MAD2L2: variants seen among roughly 807,000 people sequenced by gnomAD.
The protein encoded by MAD2L2 is mitotic arrest deficient 2 like 2.
In MAD2L2, 17 loss-of-function variants were observed where a neutral mutation model predicts 30.5. That is an observed-to-expected ratio of 0.56 (90% CI 0.38 to 0.84). The LOEUF (loss-of-function observed/expected upper bound fraction) is 0.84. MAD2L2 is among the 40% of genes least tolerant of loss of function. MAD2L2 has a pLI of 0.00. For synonymous variants in MAD2L2, 101 were observed against 113.9 expected (o/e 0.89, Z 0.72); for missense variants, 213 against 277.4 (o/e 0.77, Z 1.65).
At chr1:11,678,279 G>A (rs1255634050) in intron 3 of MAD2L2, among the ~76,000 whole-genome samples, 1 of 151,740 alleles carries the variant, frequency 6.6e-6, no homozygotes, top group Non-Finnish European at 1.5e-5. Context: ...GCCAGGTGAG[G>A]TGGCACCTGT....
At chr1:11,681,778 T>A (rs367729513), upstream of MAD2L2, 1 of 152,188 alleles carries the variant, frequency 6.6e-6, no homozygotes, top group Non-Finnish European at 1.5e-5. Flanking sequence ...CTGGGCTAAG[T>A]GTGTCCGTGG....
upstream of MAD2L2, among the ~76,000 whole-genome samples, chr1:11,685,068 C>T (rs1164243164): frequency 5.3e-5 from 8 of 151,814 alleles, no homozygotes; most frequent in Admixed American, 3.9e-4. Flanking sequence ...GCTAGGATTA[C>T]AGGTGTGCAC....
chr1:11,675,740 G>C lies in MAD2L2; in HGVS notation c.428-9C>G, dbSNP rs375506566. 36 of 1,613,402 alleles carry C rather than the reference G, an allele frequency of 2.2e-5. No homozygotes were observed. The highest frequency in any genetic ancestry group is 3.1e-5 in the Non-Finnish European group (36 of 1,179,500). The stretch of plus-strand genomic sequence containing the variant: ...GACTGTGAAGGTACAGCCTGGAGAG[G>C]CAAGAGGTTGGTGGAGGCTCCCCCA... On this transcript the variant is annotated splice_polypyrimidine_tract_variant and intron_variant, in intron 6 of 8. Transcript: ENST00000376692.
At position 11,674,503 on chromosome 1, in the gene MAD2L2, T is replaced by G; in HGVS notation, c.*272A>C. 2 of 390,364 alleles carry G rather than the reference T, an allele frequency of 5.1e-6. No individual in the cohort carries two copies. The highest frequency in any genetic ancestry group is 4.7e-6 in the Non-Finnish European group (1 of 212,282). The allele number at this position is 390,364 out of a possible 1,614,324, so 24.2% of individuals were successfully genotyped here. A position where few individuals can be genotyped will look rare whatever the true frequency, so the allele number is the denominator to read the frequency against. On this transcript the variant is annotated 3_prime_UTR_variant, in exon 9 of 9. Coordinates refer to ENST00000376692, the MANE Select transcript of MAD2L2 (RefSeq NM_006341.4). This position sits in a 1 kb window ranked among gnomAD's most constrained non-coding sequence, Gnocchi z 6.1. ...GCTCAGCCCAGCCCTTGGGGCCCCTTTATTGAAACAACTCACAGCACAGTA... is the reference window on the plus strand; with the variant it reads ...GCTCAGCCCAGCCCTTGGGGCCCCTGTATTGAAACAACTCACAGCACAGTA...
chr1:11,677,239 G>C, intron 4 of MAD2L2: 1 of 597,878 alleles, frequency 1.7e-6, no homozygotes, highest in Non-Finnish European at 2.9e-6. Flanking sequence ...CAGACAGAAC[G>C]TTTAGCGTGG....
chr1:11,686,929 ACT>A (rs1239142103), intron 1 of MAD2L2, among the ~76,000 whole-genome samples: 2 of 151,662 alleles, frequency 1.3e-5, no homozygotes, highest in African/African-American at 4.8e-5. Context: ...GTACATCGCT[ACT>A]CTCTAATTCG....
chr1:11,686,997 T>TCA (rs1640969019), intron 1 of MAD2L2, among the ~76,000 whole-genome samples: 1 of 152,158 alleles, frequency 6.6e-6, no homozygotes, highest in African/African-American at 2.4e-5. Flanking sequence ...CCAAAGTGTG[T>TCA]TGCCAGGTAC....
At chr1:11,678,833 C>G (rs1399400035) in intron 3 of MAD2L2, among the ~76,000 whole-genome samples, 2 of 152,214 alleles carry the variant, frequency 1.3e-5, no homozygotes, top group African/African-American at 4.8e-5. Flanking sequence ...TAAACACACT[C>G]AAAACACATT....
upstream of MAD2L2, among the ~76,000 whole-genome samples, chr1:11,684,373 G>A (rs1640925760): frequency 6.6e-6 from 1 of 152,172 alleles, no homozygotes; most frequent in Admixed American, 6.5e-5. Flanking sequence ...GTTGTTCAAA[G>A]TTATTTGCAT....
intron 4 of MAD2L2, 82 bp from the exon 5 acceptor site, chr1:11,677,030 A>T: frequency 9.2e-7 from 1 of 1,084,520 alleles, no homozygotes; most frequent in South Asian, 1.3e-5. Context: ...TTGCCCAAGG[A>T]AGGAGGAGAA....
rs1640722193 is a variant in MAD2L2 at position 11,674,538 on chromosome 1, GAC to G, written c.*235_*236del. ...AACTCACAGCACAGTATTTGAGACA[GAC>G]AGTGTTGGCCGGCGGAACCCCAGGA... On this transcript the variant is annotated 3_prime_UTR_variant, in exon 9 of 9. Coordinates refer to ENST00000376692, the MANE Select transcript of MAD2L2 (RefSeq NM_006341.4). The surrounding 1 kb of genome is among the most constrained non-coding windows in gnomAD (Gnocchi z 6.1). 3 of 536,566 alleles carry G rather than the reference GAC, an allele frequency of 5.6e-6. No homozygotes were observed. The highest frequency in any genetic ancestry group is 1.0e-5 in the Non-Finnish European group (3 of 296,952). 33.2% of individuals were successfully genotyped at this position (536,566 alleles called of 1,614,324 possible).
chr1:11,684,950 C>G (rs1441595109), upstream of MAD2L2, among the ~76,000 whole-genome samples: 1 of 148,686 alleles, frequency 6.7e-6, no homozygotes, highest in African/African-American at 2.5e-5. Flanking sequence ...TTCCCAGAGA[C>G]AGGGTCTCTC....
chr1:11,676,002 AC>A (rs1208260074), intron 6 of MAD2L2, 43 bp downstream of exon 6: 1 of 1,526,426 alleles, frequency 6.6e-7, no homozygotes, highest in African/African-American at 1.4e-5. Context: ...ACCCGAGATA[AC>A]CATGGAAATG....
chr1:11,678,765 C>G (rs1337571915), intron 3 of MAD2L2, among the ~76,000 whole-genome samples: 3 of 152,180 alleles, frequency 2.0e-5, no homozygotes, highest in African/African-American at 7.2e-5. Flanking sequence ...ATATCGCCAG[C>G]GGAAAATGCA....
At chr1:11,680,767 C>T in intron 1 of MAD2L2, 154 bp from the exon 2 acceptor site, 1 of 1,358,126 alleles carries the variant, frequency 7.4e-7, no homozygotes, top group Non-Finnish European at 9.5e-7. Flanking sequence ...GAACCTCCAC[C>T]CCCACGCTGG....
intron 1 of MAD2L2, among the ~76,000 whole-genome samples, chr1:11,689,069 G>A (rs954512167): frequency 2.0e-5 from 3 of 152,154 alleles, no homozygotes; most frequent in African/African-American, 7.2e-5. Context: ...GCCAAGGCAG[G>A]CAGATTGCCT....
At chr1:11,680,296 A>C (rs1640848114) in intron 3 of MAD2L2, 57 bp downstream of exon 3, 2 of 1,460,830 alleles carry the variant, frequency 1.4e-6, no homozygotes, top group Non-Finnish European at 1.9e-6. Context: ...GCGCCCGACC[A>C]AAGAATTTTT....
intron 7 of MAD2L2, 119 bp from the exon 8 acceptor site, chr1:11,675,293 G>C (rs1447680394): frequency 1.5e-6 from 1 of 684,144 alleles, no homozygotes; most frequent in African/African-American, 1.8e-5. Context: ...TCACTAGGAA[G>C]CTGTTGGTGA....
At chr1:11,689,718 G>T (rs563746903) in intron 1 of MAD2L2, among the ~76,000 whole-genome samples, 1 of 152,312 alleles carries the variant, frequency 6.6e-6, no homozygotes, top group African/African-American at 2.4e-5. Context: ...GCTGTCTATG[G>T]AGTAGTCATT....
Sources: gnomAD v4.1 joint callset for allele counts (sites outside exome capture counted in the v4.1 genomes callset) on GRCh38, gnomAD v4.1.1 for gene constraint, Gnocchi (gnomAD v3.1) non-coding constraint, MANE v1.5 for transcripts, NCBI Gene and HGNC (gene_info 2026-07-23, HGNC 2026-07-21) for gene names.